Variants in INPP5A observed in about 807,000 individuals in gnomAD.
INPP5A encodes the protein 43 kDa inositol polyphosphate 5-phophatase.
INPP5A carries 14 observed loss-of-function variants against 65.2 expected under a neutral mutation model. The observed-to-expected ratio is 0.21, with a 90% CI of 0.14 to 0.34. The LOEUF (loss-of-function observed/expected upper bound fraction) is 0.34, where lower values mean the gene tolerates loss of function less well. Among genes scored for constraint, INPP5A ranks in the 10% least tolerant of loss-of-function variants. The pLI is 1.00. For synonymous variants in INPP5A, 207 were observed against 208.3 expected (o/e 0.99, Z 0.05); for missense variants, 431 against 545.6 (o/e 0.79, Z 2.09).
chr10:132,755,528 G>C (rs1052286334), intron 11 of INPP5A, among the ~76,000 whole-genome samples: 2 of 148,040 alleles, frequency 1.4e-5, no homozygotes, highest in Admixed American at 1.3e-4. Context: ...GCGAGTGTGT[G>C]AGCAGGCATA....
chr10:132,588,601 C>G (rs1044143494), intron 1 of INPP5A, among the ~76,000 whole-genome samples: 1 of 152,260 alleles, frequency 6.6e-6, no homozygotes, highest in Non-Finnish European at 1.5e-5. Flanking sequence ...GTTCCCACCC[C>G]CCAGCACAGC....
intron 4 of INPP5A, among the ~76,000 whole-genome samples, chr10:132,680,936 C>T (rs1055161580): frequency 6.6e-6 from 1 of 152,250 alleles, no homozygotes; most frequent in African/African-American, 2.4e-5. Context: ...AGCCTCCCAC[C>T]CGCTCCGTGG....
At chr10:132,730,459 G>A (rs1006922838) in intron 9 of INPP5A, among the ~76,000 whole-genome samples, 8 of 152,246 alleles carry the variant, frequency 5.3e-5, no homozygotes, top group African/African-American at 1.7e-4. Context: ...TGTCCCTCAC[G>A]CCCTGTCTGC....
At chr10:132,690,057 A>G (rs1269972902) in intron 4 of INPP5A, among the ~76,000 whole-genome samples, 3 of 142,322 alleles carry the variant, frequency 2.1e-5, no homozygotes, top group African/African-American at 5.3e-5. Context: ...CTCAATGCCC[A>G]GCCCGCGGGA....
chr10:132,712,674 G>T (rs1845665172), intron 8 of INPP5A, among the ~76,000 whole-genome samples: 1 of 150,502 alleles, frequency 6.6e-6, no homozygotes, highest in South Asian at 2.1e-4. Context: ...GCATGTGTGG[G>T]TGCATGTGAG....
intron 2 of INPP5A, among the ~76,000 whole-genome samples, chr10:132,643,830 G>T (rs989390165): frequency 6.6e-6 from 1 of 152,158 alleles, no homozygotes; most frequent in Non-Finnish European, 1.5e-5. Context: ...CGCCCTGTGA[G>T]TGAGGAGAGT....
intron 2 of INPP5A, among the ~76,000 whole-genome samples, chr10:132,625,995 C>T (rs1590876653): frequency 6.6e-6 from 1 of 152,180 alleles, no homozygotes; most frequent in East Asian, 1.9e-4. Context: ...GTATAGTGCC[C>T]GCCCCAACAT....
rs1286172767 is a variant in INPP5A, at chr10:132,637,818, C to T, written c.118-8050C>T. Among the ~76,000 whole-genome samples, 1 of 152,166 alleles carries T rather than the reference C, an allele frequency of 6.6e-6. No homozygotes were observed. ...GCTTGAGTAGATTTGATTTTATCTG[C>T]AATGTGGGCTCCCGTCCTGTTCTGC... On this transcript the variant is annotated intron_variant, in intron 2 of 15. Transcript: ENST00000368594. This position sits in a 1 kb window ranked among gnomAD's most constrained non-coding sequence, Gnocchi z 4.1.
intron 4 of INPP5A, among the ~76,000 whole-genome samples, chr10:132,662,713 T>C (rs1160103428): frequency 1.3e-5 from 2 of 152,166 alleles, no homozygotes; most frequent in Non-Finnish European, 2.9e-5. Flanking sequence ...GGAAGGCAGC[T>C]GTCCCTTCCA....
chr10:132,613,205 G>A (rs1306687681), intron 2 of INPP5A, among the ~76,000 whole-genome samples: 1 of 152,186 alleles, frequency 6.6e-6, no homozygotes, highest in African/African-American at 2.4e-5. Flanking sequence ...AGTTCTGAGC[G>A]AGGTGGTTCC....
intron 11 of INPP5A, among the ~76,000 whole-genome samples, chr10:132,750,451 C>T (rs11146499): frequency 0.023 from 3,472 of 152,278 alleles, 119 homozygotes; most frequent in African/African-American, 0.078. Context: ...GAGACAGCCC[C>T]GGCTGCTGGA....
chr10:132,582,125 C>T (rs2071491789), intron 1 of INPP5A, among the ~76,000 whole-genome samples: 1 of 152,164 alleles, frequency 6.6e-6, no homozygotes, highest in African/African-American at 2.4e-5. Flanking sequence ...AGGTATGAGC[C>T]ACTGCGCCCG....
At chr10:132,748,013 G>A (rs919069394) in intron 9 of INPP5A, among the ~76,000 whole-genome samples, 1 of 152,158 alleles carries the variant, frequency 6.6e-6, no homozygotes, top group Non-Finnish European at 1.5e-5. Flanking sequence ...TCACGCCACT[G>A]CGCTCTGGCC....
At chr10:132,768,963 G>T (rs932116647) in intron 12 of INPP5A, among the ~76,000 whole-genome samples, 4 of 152,216 alleles carry the variant, frequency 2.6e-5, no homozygotes, top group African/African-American at 9.6e-5. Context: ...ACCCTCCCGC[G>T]GGCAGTAGAC....
intron 8 of INPP5A, among the ~76,000 whole-genome samples, chr10:132,717,810 C>G (rs1328363947): frequency 7.0e-6 from 1 of 143,760 alleles, no homozygotes; most frequent in Non-Finnish European, 1.5e-5. Flanking sequence ...TCTGTGGTAC[C>G]TGGGTTCTGT....
At chr10:132,648,305 G>T (rs920761927) in intron 3 of INPP5A, among the ~76,000 whole-genome samples, 1 of 152,268 alleles carries the variant, frequency 6.6e-6, no homozygotes, top group South Asian at 2.1e-4. Context: ...ACAGTGGAGT[G>T]TGGCCCCCAC....
At chr10:132,778,660 C>T (rs1268617490) in intron 13 of INPP5A, among the ~76,000 whole-genome samples, 4 of 152,290 alleles carry the variant, frequency 2.6e-5, no homozygotes, top group Admixed American at 6.5e-5. Flanking sequence ...GGTGTGCAAT[C>T]GGAAGGAGGC....
chr10:132,607,820 C>T (rs1217617206), intron 1 of INPP5A, 95 bp from the exon 2 acceptor site: 4 of 1,269,892 alleles, frequency 3.1e-6, no homozygotes, highest in East Asian at 2.3e-5. Context: ...CGCCTCTGCT[C>T]CTGCCCCACG....
At chr10:132,717,066 G>A (rs2134549363) in intron 8 of INPP5A, among the ~76,000 whole-genome samples, 1 of 152,388 alleles carries the variant, frequency 6.6e-6, no homozygotes, top group Admixed American at 6.5e-5. Flanking sequence ...ACAACTCTGT[G>A]GCGGGGCTTT....
Sources: allele counts gnomAD v4.1 joint callset (sites outside exome capture counted in the v4.1 genomes callset), GRCh38; gene constraint gnomAD v4.1.1; non-coding constraint Gnocchi (gnomAD v3.1); transcripts MANE v1.5; gene names NCBI Gene and HGNC (gene_info 2026-07-23, HGNC 2026-07-21).